The following TAPBP variants were observed in gnomAD, a reference collection of about 807,000 sequenced individuals.
The protein encoded by TAPBP is tapasin.
A neutral mutation model predicts 45.7 loss-of-function variants in TAPBP; 38 were observed. The ratio of observed to expected loss-of-function variants is 0.83; its 90% CI spans 0.64 to 1.09. TAPBP has a LOEUF of 1.09. Among genes scored for constraint, TAPBP ranks in the 50% least tolerant of loss-of-function variants. TAPBP has a pLI of 0.00. For synonymous variants in TAPBP, 226 were observed against 254.8 expected, an observed-to-expected ratio of 0.89 and a Z score of 1.08; for missense variants, 513 against 587.3, an observed-to-expected ratio of 0.87 and a Z score of 1.31.
rs771284111 is a variant in TAPBP at position 33,313,754 on chromosome 6, C to T, written c.148G>A (p.Gly50Arg). ...KRPGALLLRQ[G>R]PGEPPPRPDL... is the part of the protein sequence containing the mutation. ...GGCCGGGGCGGCGGTTCCCCCGGTC[C>T]CTGGCGCAACAGCAGTGCACCGGGT... is the stretch of plus-strand genomic sequence containing the variant. The change falls in exon 2 of 8, where the codon GGA becomes AGA. Residue 50 changes from glycine (G) to arginine (R), a missense_variant. By Grantham distance (125) the Gly-to-Arg change is moderately radical. Coordinates refer to ENST00000434618, the MANE Select transcript of TAPBP (RefSeq NM_003190.5). This position sits in a 1 kb window ranked among gnomAD's most constrained non-coding sequence, Gnocchi z 7.2. 2.5e-6 allele frequency: 4 copies of T among 1,613,698 alleles called. No individual in the cohort carries two copies. Among genetic ancestry groups the T allele is most frequent in the Non-Finnish European group, 3.4e-6 (4 of 1,180,010 alleles).
rs879732228 is a variant in TAPBP at position 33,301,087 on chromosome 6, T to G, written c.*673A>C. On this transcript the variant is annotated 3_prime_UTR_variant, in exon 8 of 8. Coordinates refer to ENST00000434618, the MANE Select transcript of TAPBP (RefSeq NM_003190.5). ...CCACGATGAATAGAATGTGTGCCTA[T>G]GTATTCTCGTGTTTTAAATTTTTCT... The G allele has an allele frequency of 6.6e-6, 1 of 152,356 alleles. No individual in the cohort carries two copies. Among genetic ancestry groups the G allele is most frequent in the Non-Finnish European group, 1.5e-5 (1 of 68,068 alleles). The allele number at this position is 152,356 out of a possible 1,614,324, so 9.4% of individuals were successfully genotyped here.
chr6:33,313,804 G>A lies in TAPBP; in HGVS notation c.98C>T (p.Ala33Val), dbSNP rs368154041. Residue 33 changes from alanine to valine, a missense_variant, in exon 2 of 8, where the codon GCG becomes GTG. Coordinates refer to ENST00000434618, the MANE Select transcript of TAPBP (RefSeq NM_003190.5). This position sits in a 1 kb window ranked among gnomAD's most constrained non-coding sequence, Gnocchi z 7.2. ...AVIECWFVED[A>V]SGKGLAKRPG... ...TCTCTTGGCCAGGCCCTTTCCGCTCGCATCCTCCACGAACCAACACTCGAT... is the reference window on the plus strand; with the variant it reads ...TCTCTTGGCCAGGCCCTTTCCGCTCACATCCTCCACGAACCAACACTCGAT... 19 of 1,613,594 alleles carry A rather than the reference G, an allele frequency of 1.2e-5. No individual in the cohort carries two copies. The highest frequency in any genetic ancestry group is 1.4e-5 in the Non-Finnish European group (17 of 1,180,018).
At chr6:33,310,244 G>A (rs890374555) in intron 3 of TAPBP, among the ~76,000 whole-genome samples, 2 of 151,774 alleles carry the variant, frequency 1.3e-5, no homozygotes, top group Admixed American at 6.6e-5. Flanking sequence ...GGTGGCTCAC[G>A]CCTGTAATCC....
In TAPBP at chr6:33,313,663, G is replaced by A. The variant is rs748515058; in HGVS notation, c.208+31C>T. 21 of 1,595,532 alleles carry A rather than the reference G, an allele frequency of 1.3e-5. No homozygotes were observed. The Admixed American group carries it at 3.0e-4, about 23-fold the overall frequency. On this transcript the variant is annotated intron_variant, in intron 2 of 7. Coordinates refer to ENST00000434618, the MANE Select transcript of TAPBP (RefSeq NM_003190.5). The surrounding 1 kb of genome is among the most constrained non-coding windows in gnomAD (Gnocchi z 7.2). ...GGGGGTTTCGGTGGAGGCGACAGAG[G>A]TAGGGGGGCGGCGAGTCCCTAGAGA...
chr6:33,308,923 A>T (rs1375951600), intron 3 of TAPBP, among the ~76,000 whole-genome samples: 1 of 152,172 alleles, frequency 6.6e-6, no homozygotes, highest in African/African-American at 2.4e-5. Flanking sequence ...CTTCAGGTAG[A>T]AGTAATCTTT....
In TAPBP at chr6:33,301,093, C is replaced by T. The variant is rs563786088; in HGVS notation, c.*667G>A. The stretch of plus-strand genomic sequence containing the variant: ...TGAATAGAATGTGTGCCTATGTATT[C>T]TCGTGTTTTAAATTTTTCTCACTTT... On this transcript the variant is annotated 3_prime_UTR_variant, in exon 8 of 8. Coordinates refer to ENST00000434618, the MANE Select transcript of TAPBP (RefSeq NM_003190.5). The T allele has an allele frequency of 2.0e-5, 3 of 152,038 alleles. No homozygotes were observed. The highest frequency in any genetic ancestry group is 7.2e-5 in the African/African-American group (3 of 41,458). 9.4% of individuals were successfully genotyped at this position (152,038 alleles called of 1,614,324 possible). A position where few individuals can be genotyped will look rare whatever the true frequency, so the allele number is the denominator to read the frequency against.
At position 33,300,131 on chromosome 6, in the gene TAPBP, G is replaced by A. The variant is rs147996331; in HGVS notation, c.*1629C>T. ...AGGCGTTTGGTTCATTGGAGGAAAG[G>A]AATAGCCCTGTGTGTGATGAGCATT... On this transcript the variant is annotated 3_prime_UTR_variant, in exon 8 of 8. Coordinates refer to ENST00000434618, the MANE Select transcript of TAPBP (RefSeq NM_003190.5). The A allele has an allele frequency of 9.8e-3, 1,503 of 154,082 alleles. 20 individuals are homozygous for A. The highest frequency in any genetic ancestry group is 0.011 in the Non-Finnish European group (774 of 68,210). The allele number at this position is 154,082 out of a possible 1,614,324, so 9.5% of individuals were successfully genotyped here.
chr6:33,303,625 T>C (rs1271078321), intron 7 of TAPBP: 1 of 971,152 alleles, frequency 1.0e-6, no homozygotes, highest in Admixed American at 2.8e-5. Context: ...ATAAGGTATA[T>C]TATTAAGTTA....
At position 33,313,854 on chromosome 6, in the gene TAPBP, G is replaced by A. The variant is rs771534139; in HGVS notation, c.48C>T (p.Thr16=). Residue 16 remains threonine (T), a synonymous_variant, in exon 2 of 8, where the codon ACC becomes ACT. Coordinates refer to ENST00000434618, the MANE Select transcript of TAPBP (RefSeq NM_003190.5). The surrounding 1 kb of genome is among the most constrained non-coding windows in gnomAD (Gnocchi z 7.2). ...LLLAVALGLA[T]AVSAGPAVIE... is the part of the protein sequence containing the mutation. The stretch of plus-strand genomic sequence containing the variant: ...TCACCGCGGGTCCTGCTGAGACGGC[G>A]GTCGCCAGGCCTGGCGTATAGGGAC... The A allele has an allele frequency of 8.1e-6, 13 of 1,613,564 alleles. 1 individual carries two copies. Among genetic ancestry groups the A allele is most frequent in the Middle Eastern group, 3.3e-4 (2 of 6,084 alleles).
At chr6:33,303,597 C>A in intron 7 of TAPBP, 1 of 830,110 alleles carries the variant, frequency 1.2e-6, no homozygotes. Flanking sequence ...AGATAAGGGA[C>A]CAGAATTATT....
At chr6:33,309,082 G>A (rs1467808962) in intron 3 of TAPBP, among the ~76,000 whole-genome samples, 5 of 86,062 alleles carry the variant, frequency 5.8e-5, no homozygotes, top group Non-Finnish European at 1.0e-4. Flanking sequence ...ACATACTTTT[G>A]AATTGTTAAA....
rs1277429928 is a variant in TAPBP, at chr6:33,313,745, C to A, written c.157G>T (p.Glu53Ter). 1 of 1,613,538 alleles carries A rather than the reference C, an allele frequency of 6.2e-7. No individual in the cohort carries two copies. Among genetic ancestry groups the A allele is most frequent in the South Asian group, 1.1e-5 (1 of 91,068 alleles). Residue 53 changes from glutamate (E) to a stop codon, truncating the protein, a stop_gained, in exon 2 of 8, where the codon GAA becomes TAA. Coordinates refer to ENST00000434618, the MANE Select transcript of TAPBP (RefSeq NM_003190.5). LOFTEE classifies it high-confidence loss of function. This position sits in a 1 kb window ranked among gnomAD's most constrained non-coding sequence, Gnocchi z 7.2. The part of the protein sequence containing the change: ...GALLLRQGPG[E>*]PPPRPDLDPE... ...TCGAGGTCCGGCCGGGGCGGCGGTT[C>A]CCCCGGTCCCTGGCGCAACAGCAGT...
rs1389475503 is a variant in TAPBP, at chr6:33,313,174, C to T, written c.469+43G>A. The T allele has an allele frequency of 6.3e-7, 1 of 1,576,294 alleles. No individual in the cohort carries two copies. Among genetic ancestry groups the T allele is most frequent in the African/African-American group, 1.3e-5 (1 of 74,198 alleles). On this transcript the variant is annotated intron_variant, in intron 3 of 7. Transcript: ENST00000434618. The surrounding 1 kb of genome is among the most constrained non-coding windows in gnomAD (Gnocchi z 7.2). ...GCGAGACCACCGGCTGATCTGGACC[C>T]TTAGAATCTACCCACCCTTCTCCAC... is the stretch of plus-strand genomic sequence containing the variant.
intron 3 of TAPBP, among the ~76,000 whole-genome samples, chr6:33,310,908 A>T (rs1769299479): frequency 6.6e-6 from 1 of 152,260 alleles, no homozygotes; most frequent in Admixed American, 6.5e-5. Flanking sequence ...ATAAATGTAT[A>T]TTAGCAAAAT....
Position 33,313,293 on chromosome 6 carries a change from T to C in TAPBP, c.393A>G (p.Pro131=). The C allele has an allele frequency of 6.2e-7, 1 of 1,613,840 alleles. No homozygotes were observed. The highest frequency in any genetic ancestry group is 1.3e-5 in the African/African-American group (1 of 75,054). Residue 131 remains proline, a synonymous_variant, in exon 3 of 8, where the codon CCA becomes CCG. Coordinates refer to ENST00000434618, the MANE Select transcript of TAPBP (RefSeq NM_003190.5). This position sits in a 1 kb window ranked among gnomAD's most constrained non-coding sequence, Gnocchi z 7.2. The stretch of plus-strand genomic sequence containing the variant: ...GCAAGAGGCTGGAGAGGCTGAGGAC[T>C]GGGCTGGATATGCTGACCATCAGCC... ...GAWLMVSISS[P]VLSLSSLLRP...
chr6:33,307,837 T>G (rs1769077683), intron 3 of TAPBP, among the ~76,000 whole-genome samples: 1 of 152,190 alleles, frequency 6.6e-6, no homozygotes, highest in Non-Finnish European at 1.5e-5. Flanking sequence ...ATAAGTGAGA[T>G]TATGCATATA....
intron 3 of TAPBP, among the ~76,000 whole-genome samples, chr6:33,312,028 TGCC>T (rs1769384445): frequency 1.3e-5 from 2 of 152,204 alleles, no homozygotes; most frequent in Non-Finnish European, 2.9e-5. Context: ...ATTAACACAG[TGCC>T]ATCTCTTGAT....
intron 7 of TAPBP, chr6:33,303,570 TC>T (rs2150958814): frequency 1.4e-6 from 1 of 698,098 alleles, no homozygotes; most frequent in African/African-American, 1.8e-5. Context: ...CAAAAACACT[TC>T]TGACCCAAGC....
chr6:33,304,178 A>T lies in TAPBP; in HGVS notation c.1250T>A (p.Phe417Tyr). Residue 417 changes from phenylalanine (F) to tyrosine (Y), a missense_variant, in exon 6 of 8, where the codon TTC (phenylalanine) becomes TAC (tyrosine). By Grantham distance (22) the Phe-to-Tyr change is conservative (BLOSUM62 3). Coordinates refer to ENST00000434618, the MANE Select transcript of TAPBP (RefSeq NM_003190.5). ...CCCAAGCAGAAGAAAGGCAGACAGG[A>T]AAAGGCCTACGCTGTCCTCAAGGGA... ...GPSLEDSVGL[F>Y]LSAFLLLGLF... 6.2e-7 allele frequency: 1 copy of T among 1,613,420 alleles called. No homozygotes were observed. The highest frequency in any genetic ancestry group is 8.5e-7 in the Non-Finnish European group (1 of 1,179,796).
Sources: gnomAD v4.1 joint callset for allele counts (sites outside exome capture counted in the v4.1 genomes callset) on GRCh38, gnomAD v4.1.1 for gene constraint, Gnocchi (gnomAD v3.1) non-coding constraint, MANE v1.5 for transcripts, NCBI Gene and HGNC (gene_info 2026-07-23, HGNC 2026-07-21) for gene names.